Variants in PSMD5 observed in about 807,000 individuals in gnomAD.
PSMD5 encodes the protein 26S proteasome non-ATPase regulatory subunit 5.
In PSMD5, 40 loss-of-function variants were observed where a neutral mutation model predicts 52.1. The ratio of observed to expected loss-of-function variants is 0.77; its 90% CI spans 0.60 to 1.00. The LOEUF (loss-of-function observed/expected upper bound fraction) is 1.00, where lower values mean the gene tolerates loss of function less well. Among genes scored for constraint, PSMD5 ranks in the 50% least tolerant of loss-of-function variants. PSMD5 has a pLI of 0.00. For synonymous variants in PSMD5, 211 were observed against 226.6 expected (o/e 0.93, Z 0.62); for missense variants, 575 against 605.2 (o/e 0.95, Z 0.52).
chr9:120,827,003 T>C (rs144082271), intron 5 of PSMD5, 96 bp from the exon 6 acceptor site: 3 of 1,266,166 alleles, frequency 2.4e-6, no homozygotes, highest in Non-Finnish European at 3.2e-6. Context: ...TAATTCTTCT[T>C]ATCACATTCG....
Position 120,817,764 on chromosome 9 carries a change from A to G in PSMD5, c.*142T>C. 1.0e-6 allele frequency: 1 copy of G among 957,652 alleles called. No homozygotes were observed. Among genetic ancestry groups the G allele is most frequent in the African/African-American group, 1.6e-5 (1 of 61,292 alleles). 59.3% of individuals were successfully genotyped at this position (957,652 alleles called of 1,614,324 possible). On this transcript the variant is annotated 3_prime_UTR_variant, in exon 10 of 10. Transcript: ENST00000210313. ...TTGCATTTCAATGTAGAAATATAAC[A>G]GTGTTGGTAACAAAGTAACATCTGA...
chr9:120,824,878 G>A, intron 6 of PSMD5, 193 bp from the exon 7 acceptor site: 1 of 477,228 alleles, frequency 2.1e-6, no homozygotes, highest in Non-Finnish European at 3.6e-6. Flanking sequence ...CCTGAGAGAG[G>A]GCGTCAATGG....
In PSMD5 at chr9:120,828,759, G is replaced by C. The variant is rs536182895; in HGVS notation, c.671+340C>G. Among the ~76,000 whole-genome samples, 26 of 152,230 alleles carry C rather than the reference G, an allele frequency of 1.7e-4. No homozygotes were observed. In the South Asian group the frequency reaches 5.4e-3, roughly 32 times the overall value. On this transcript the variant is annotated intron_variant, in intron 5 of 9. Transcript: ENST00000210313. ...GTTTTTTCTATCATGCCATAGTGTT[G>C]CTATTTAACAATGCCAAAATAAATG...
At chr9:120,826,607 G>A (rs2045123470) in intron 6 of PSMD5, 158 bp downstream of exon 6, 2 of 883,870 alleles carry the variant, frequency 2.3e-6, no homozygotes, top group South Asian at 4.0e-5. Flanking sequence ...TTTGAACTTG[G>A]TTGCTCTAGA....
chr9:120,832,073 A>G, intron 2 of PSMD5, 128 bp from the exon 3 acceptor site: 1 of 1,402,634 alleles, frequency 7.1e-7, no homozygotes, highest in Non-Finnish European at 9.4e-7. Flanking sequence ...TCAATTCATT[A>G]AAAAATCAAA....
In PSMD5 at chr9:120,817,089, AAAC is replaced by A. The variant is rs1377694166; in HGVS notation, c.*814_*816del. 1 of 152,240 alleles carries A rather than the reference AAAC, an allele frequency of 6.6e-6. No individual in the cohort carries two copies. Among genetic ancestry groups the A allele is most frequent in the Non-Finnish European group, 1.5e-5 (1 of 68,038 alleles). The allele number at this position is 152,240 out of a possible 1,614,324, so 9.4% of individuals were successfully genotyped here. On this transcript the variant is annotated 3_prime_UTR_variant, in exon 10 of 10. Transcript: ENST00000210313. ...TTTCAAAGGAATAATAGTAACAAAA[AAAC>A]AAGAGAGCTCATAAAAAGTATTCTG... is the stretch of plus-strand genomic sequence containing the variant.
chr9:120,816,933 C>A lies in PSMD5; in HGVS notation c.*973G>T, dbSNP rs1256932695. The A allele has an allele frequency of 6.6e-6, 1 of 152,120 alleles. No homozygotes were observed. The highest frequency in any genetic ancestry group is 1.5e-5 in the Non-Finnish European group (1 of 68,036). 9.4% of individuals were successfully genotyped at this position (152,120 alleles called of 1,614,324 possible). On this transcript the variant is annotated 3_prime_UTR_variant, in exon 10 of 10. Transcript: ENST00000210313. ...AAGCAAAACCCTCAGCAATCATGAC[C>A]TACCAATAAATGAAATGACAGTTTA... is the stretch of plus-strand genomic sequence containing the variant.
At position 120,824,602 on chromosome 9, in the gene PSMD5, C is replaced by T. The variant is rs371296805; in HGVS notation, c.898G>A (p.Val300Ile). ...TCCTGACTTTCTATCATTTCAAAGA[C>T]TTTTTCCACAAAGATAGGATAACGC... ...CERYPIFVEK[V>I]FEMIESQDPT... The change falls in exon 7 of 10, where the codon GTC (valine) becomes ATC (isoleucine). Residue 300 changes from valine (V) to isoleucine (I), a missense_variant. Physicochemically the swap from Val to Ile is conservative, Grantham distance 29. Coordinates refer to ENST00000210313, the MANE Select transcript of PSMD5 (RefSeq NM_005047.4). 627 of 1,614,188 alleles carry T rather than the reference C, an allele frequency of 3.9e-4. 4 individuals are homozygous for T. In the South Asian group the frequency reaches 6.4e-3, roughly 16 times the overall value.
intron 7 of PSMD5, among the ~76,000 whole-genome samples, chr9:120,822,932 G>A (rs923611743): frequency 6.6e-6 from 1 of 152,046 alleles, no homozygotes; most frequent in African/African-American, 2.4e-5. Flanking sequence ...GGGCTCAAAT[G>A]ATTCTCCCAC....
At chr9:120,839,162 T>C (rs1300221005) in intron 1 of PSMD5, among the ~76,000 whole-genome samples, 1 of 151,990 alleles carries the variant, frequency 6.6e-6, no homozygotes, top group Non-Finnish European at 1.5e-5. Context: ...GTTAGGAAAG[T>C]GCAAGTCAGG....
intron 1 of PSMD5, chr9:120,842,285 G>C (rs986788171): frequency 2.5e-5 from 4 of 160,126 alleles, no homozygotes; most frequent in Admixed American, 6.3e-5. Flanking sequence ...CATTTTGTGC[G>C]CGTATACTTG....
intron 1 of PSMD5, among the ~76,000 whole-genome samples, chr9:120,835,343 T>G (rs1166259183): frequency 6.6e-6 from 1 of 152,236 alleles, no homozygotes; most frequent in Non-Finnish European, 1.5e-5. Flanking sequence ...TAAAATATTA[T>G]GCTAAGTGAA....
intron 2 of PSMD5, among the ~76,000 whole-genome samples, chr9:120,833,050 CTCAG>C (rs1331113944): frequency 2.6e-5 from 4 of 152,224 alleles, no homozygotes; most frequent in African/African-American, 9.6e-5. Flanking sequence ...GTAAAAGGAA[CTCAG>C]TCAGTATCTG....
At position 120,826,800 on chromosome 9, in the gene PSMD5, G is replaced by T; in HGVS notation, c.779C>A (p.Ala260Glu). ...IDQISNIIVGADSDPFSSFYL... is the reference protein window; with the variant it reads ...IDQISNIIVGEDSDPFSSFYL... ...GAAGCTAGAGAAAGGGTCTGAATCT[G>T]CCCCAACAATTATATTAGAAATTTG... Residue 260 changes from alanine to glutamate, a missense_variant, in exon 6 of 10, where the codon GCA (alanine) becomes GAA (glutamate). Transcript: ENST00000210313. 6.2e-7 allele frequency: 1 copy of T among 1,613,806 alleles called. No homozygotes were observed. The highest frequency in any genetic ancestry group is 8.5e-7 in the Non-Finnish European group (1 of 1,179,776).
intron 9 of PSMD5, among the ~76,000 whole-genome samples, chr9:120,819,954 C>G (rs76613455): frequency 6.6e-6 from 1 of 152,300 alleles, no homozygotes; most frequent in African/African-American, 2.4e-5. Context: ...TTATTCCCTC[C>G]CAGTCTAGGC....
chr9:120,824,835 T>C (rs1032503026), intron 6 of PSMD5, 150 bp from the exon 7 acceptor site: 4 of 634,274 alleles, frequency 6.3e-6, no homozygotes, highest in African/African-American at 5.5e-5. Flanking sequence ...AGAGAGACCA[T>C]TAGGAGATTC....
Position 120,831,868 on chromosome 9 carries a change from A to G in PSMD5, c.396T>C (p.Tyr132=), listed in dbSNP as rs1189549816. 3 of 1,613,368 alleles carry G rather than the reference A, an allele frequency of 1.9e-6. No individual in the cohort carries two copies. The highest frequency in any genetic ancestry group is 1.1e-5 in the South Asian group (1 of 91,062). The part of the protein sequence containing the change: ...NNAELLKQIV[Y]CIGGENLSVA... ...CAGATAGATTCTCTCCACCAATGCAATAAACAATTTGTTTTAGTAATTCAG... is the reference window on the plus strand; with the variant it reads ...CAGATAGATTCTCTCCACCAATGCAGTAAACAATTTGTTTTAGTAATTCAG... Residue 132 remains tyrosine (Y), a synonymous_variant, in exon 3 of 10, where the codon TAT becomes TAC. Coordinates refer to ENST00000210313, the MANE Select transcript of PSMD5 (RefSeq NM_005047.4).
At chr9:120,838,115 T>C (rs189115326) in intron 1 of PSMD5, among the ~76,000 whole-genome samples, 21 of 152,356 alleles carry the variant, frequency 1.4e-4, no homozygotes, top group African/African-American at 4.8e-4. Flanking sequence ...GGTTGACTGG[T>C]TGAAACAGGG....
chr9:120,832,034 T>C, intron 2 of PSMD5, 89 bp from the exon 3 acceptor site: 1 of 1,513,930 alleles, frequency 6.6e-7, no homozygotes, highest in Non-Finnish European at 8.8e-7. Context: ...TGCACAGTTA[T>C]TTTAGGAGTT....
Sources: allele counts gnomAD v4.1 joint callset (sites outside exome capture counted in the v4.1 genomes callset), GRCh38; gene constraint gnomAD v4.1.1; transcripts MANE v1.5; gene names NCBI Gene and HGNC (gene_info 2026-07-23, HGNC 2026-07-21).